The following SPDYE17 variants were observed in gnomAD, a reference collection of about 807,000 sequenced individuals.
SPDYE17 encodes the protein speedy protein E17.
For missense variants in SPDYE17, 7 were observed against 38.0 expected, an observed-to-expected ratio of 0.18 and a Z score of 2.15; for synonymous variants, 4 against 14.8, an observed-to-expected ratio of 0.27 and a Z score of 1.68.
intron 2 of SPDYE17, among the ~76,000 whole-genome samples, chr7:77,029,874 A>G (rs1389959243): frequency 6.4e-5 from 8 of 125,744 alleles, no homozygotes; most frequent in African/African-American, 2.3e-4. Flanking sequence ...GCCCAGCTCA[A>G]TTTTGTACTT....
chr7:77,029,829 C>G (rs1488453798), intron 2 of SPDYE17, among the ~76,000 whole-genome samples: 1 of 127,758 alleles, frequency 7.8e-6, no homozygotes, highest in Non-Finnish European at 1.6e-5. Flanking sequence ...GCCTCAGCCT[C>G]TCAGGTAGCT....
Position 77,029,698 on chromosome 7 carries a change from C to CT in SPDYE17, c.131-248dup, listed in dbSNP as rs1166509214. ...CTGGTCCCTGGCTCTCTGAGTCCCT[C>CT]TTTTTTTTTTTTTTTTTTTTTGTTT... On this transcript the variant is annotated intron_variant, in intron 2 of 7. Coordinates refer to ENST00000671986, the MANE Select transcript of SPDYE17 (RefSeq NM_001351351.3). 3.7e-3 allele frequency among the ~76,000 whole-genome samples: 152 copies of CT among 41,590 alleles called. 18 individuals are homozygous for CT. The highest frequency in any genetic ancestry group is 0.011 in the African/African-American group (68 of 6,090). The allele number at this position is 41,590 out of a possible 152,430, so 27.3% of individuals were successfully genotyped here.
intron 4 of SPDYE17, 131 bp downstream of exon 4, chr7:77,028,011 A>T: frequency 1.5e-6 from 1 of 681,344 alleles, no homozygotes; most frequent in Non-Finnish European, 2.2e-6. Flanking sequence ...AAAAACAAAA[A>T]CAAAAACAAA....
At chr7:77,030,000 C>T (rs1359445475) in intron 2 of SPDYE17, among the ~76,000 whole-genome samples, 9 of 119,362 alleles carry the variant, frequency 7.5e-5, no homozygotes, top group Non-Finnish European at 1.3e-4. Context: ...AGCCACTGCA[C>T]CCAGCCTGAA....
intron 4 of SPDYE17, among the ~76,000 whole-genome samples, chr7:77,027,941 G>A (rs1789460017): frequency 7.6e-6 from 1 of 131,210 alleles, no homozygotes; most frequent in Non-Finnish European, 1.6e-5. Context: ...GCTGCAGTGA[G>A]TCAAGATCGA....
In SPDYE17 at chr7:77,026,286, TAG is replaced by T. The variant is rs1019936254; in HGVS notation, c.494+541_494+542del. Among the ~76,000 whole-genome samples the T allele has an allele frequency of 1.1e-4, 16 of 141,962 alleles. 1 individual carries two copies. The highest frequency in any genetic ancestry group is 4.5e-4 in the Admixed American group (6 of 13,278). 93.1% of individuals were successfully genotyped at this position (141,962 alleles called of 152,430 possible). On this transcript the variant is annotated intron_variant, in intron 5 of 7. Coordinates refer to ENST00000671986, the MANE Select transcript of SPDYE17 (RefSeq NM_001351351.3). ...CGAGCCAGTGTGGTTGTAGAGATTG[TAG>T]AGAGGGTGGAATTGGCACTGTGGAC... is the stretch of plus-strand genomic sequence containing the variant.
chr7:77,025,854 C>T (rs1789423269), intron 5 of SPDYE17: 2 of 145,310 alleles, frequency 1.4e-5, no homozygotes, highest in African/African-American at 2.6e-5. Context: ...TCGCTTGAGC[C>T]CAGGATATGG....
chr7:77,026,395 A>T (rs1244942694), intron 5 of SPDYE17, among the ~76,000 whole-genome samples: 2 of 146,934 alleles, frequency 1.4e-5, no homozygotes, highest in African/African-American at 5.0e-5. Flanking sequence ...AAAGATGTTC[A>T]GGCTGCACTA....
At chr7:77,025,536 G>C (rs1313818344) in intron 5 of SPDYE17, 1 of 171,004 alleles carries the variant, frequency 5.8e-6, no homozygotes, top group Non-Finnish European at 1.1e-5. Context: ...CTTGAGACCA[G>C]GAGTTTGAGA....
At position 77,029,888 on chromosome 7, in the gene SPDYE17, A is replaced by G. The variant is rs1459036665; in HGVS notation, c.131-437T>C. Reference sequence around the variant, plus strand: ...TGCCCAGCTCAATTTTGTACTTTTAATAGAGACAGGGTTTCACCATGTTGG... The same window carrying G: ...TGCCCAGCTCAATTTTGTACTTTTAGTAGAGACAGGGTTTCACCATGTTGG... On this transcript the variant is annotated intron_variant, in intron 2 of 7. Coordinates refer to ENST00000671986, the MANE Select transcript of SPDYE17 (RefSeq NM_001351351.3). Among the ~76,000 whole-genome samples the G allele has an allele frequency of 3.2e-5, 4 of 124,398 alleles. 1 individual carries two copies. The highest frequency in any genetic ancestry group is 3.3e-4 in the South Asian group (1 of 3,038). The allele number at this position is 124,398 out of a possible 152,430, so 81.6% of individuals were successfully genotyped here. A position where few individuals can be genotyped will look rare whatever the true frequency, so the allele number is the denominator to read the frequency against.
At position 77,022,899 on chromosome 7, in the gene SPDYE17, A is replaced by G. The variant is rs1213821164; in HGVS notation, c.*934T>C. Among the ~76,000 whole-genome samples the G allele has an allele frequency of 1.4e-4, 16 of 112,938 alleles. 5 individuals are homozygous for G. Among genetic ancestry groups the G allele is most frequent in the Non-Finnish European group, 2.6e-4 (13 of 50,388 alleles). The allele number at this position is 112,938 out of a possible 152,430, so 74.1% of individuals were successfully genotyped here. On this transcript the variant is annotated 3_prime_UTR_variant, in exon 8 of 8. Transcript: ENST00000671986. ...TACCCATGTTTTTCAAAATAAACCAATAAAATAGATAGTATACATTAGACG... is the reference window on the plus strand; with the variant it reads ...TACCCATGTTTTTCAAAATAAACCAGTAAAATAGATAGTATACATTAGACG...
At chr7:77,025,236 G>C (rs1279050356) in intron 5 of SPDYE17, 125 bp from the exon 6 acceptor site, 1 of 24,198 alleles carries the variant, frequency 4.1e-5, no homozygotes. Flanking sequence ...ACCCTGCAGA[G>C]AGCCACGCCT....
In SPDYE17 at chr7:77,022,784, A is replaced by T. The variant is rs1789389455; in HGVS notation, c.*1049T>A. Among the ~76,000 whole-genome samples, 1 of 123,740 alleles carries T rather than the reference A, an allele frequency of 8.1e-6. No homozygotes were observed. The highest frequency in any genetic ancestry group is 1.8e-5 in the Non-Finnish European group (1 of 55,312). 81.2% of individuals were successfully genotyped at this position (123,740 alleles called of 152,430 possible). On this transcript the variant is annotated 3_prime_UTR_variant, in exon 8 of 8. Transcript: ENST00000671986. ...AAATACCAGTATTTCCAAAATATTT[A>T]AAATAATATTTAAAGTAATAATAAT...
At chr7:77,026,546 T>G (rs528681680) in intron 5 of SPDYE17, among the ~76,000 whole-genome samples, 9 of 150,284 alleles carry the variant, frequency 6.0e-5, no homozygotes, top group African/African-American at 2.2e-4. Flanking sequence ...TTGCGGTTGA[T>G]GTGGGAAGGA....
At chr7:77,029,698 C>CTTTTTTTTTTTTT in intron 2 of SPDYE17, among the ~76,000 whole-genome samples, 1 of 41,608 alleles carries the variant, frequency 2.4e-5, no homozygotes, top group Non-Finnish European at 3.6e-5. Flanking sequence ...CTGAGTCCCT[C>CTTTTTTTTTTTTT]TTTTTTTTTT....
intron 4 of SPDYE17, among the ~76,000 whole-genome samples, chr7:77,027,484 A>G (rs1789452101): frequency 1.8e-5 from 1 of 56,924 alleles, no homozygotes. Flanking sequence ...TTGGAGAACA[A>G]CCTGGGCAAC....
rs1403952213 is a variant in SPDYE17 at position 77,026,572 on chromosome 7, C to T, written c.494+257G>A. ...GTGGGAAGGAGAGAGAGAGAACAAC[C>T]GGAAACGTCTGCTTGCTGGGGGAAG... is the stretch of plus-strand genomic sequence containing the variant. On this transcript the variant is annotated intron_variant, in intron 5 of 7. Transcript: ENST00000671986. Among the ~76,000 whole-genome samples the T allele has an allele frequency of 4.7e-5, 7 of 149,684 alleles. No homozygotes were observed. In the South Asian group the frequency reaches 6.4e-4, roughly 14 times the overall value.
chr7:77,030,080 CTTTTTTT>C (rs761251656), intron 2 of SPDYE17, among the ~76,000 whole-genome samples: 5 of 45,312 alleles, frequency 1.1e-4, no homozygotes, highest in Non-Finnish European at 1.6e-4. Flanking sequence ...TTTGTTTCTT[CTTTTTTT>C]TTTTTTTTTT....
Position 77,027,679 on chromosome 7 carries a change from AAT to A in SPDYE17, c.408+461_408+462del, listed in dbSNP as rs1380002386. Among the ~76,000 whole-genome samples the A allele has an allele frequency of 3.3e-3, 361 of 108,812 alleles. 65 individuals are homozygous for A. Among genetic ancestry groups the A allele is most frequent in the Admixed American group, 0.017 (141 of 8,284 alleles). 71.4% of individuals were successfully genotyped at this position (108,812 alleles called of 152,430 possible). ...AGCTGGACTCTGTCTCAGAAAAAAA[AAT>A]GTGTGGGTGCCAAGACTCAAGACCA... is the stretch of plus-strand genomic sequence containing the variant. On this transcript the variant is annotated intron_variant, in intron 4 of 7. Coordinates refer to ENST00000671986, the MANE Select transcript of SPDYE17 (RefSeq NM_001351351.3).
Sources: allele counts gnomAD v4.1 joint callset (sites outside exome capture counted in the v4.1 genomes callset), GRCh38; gene constraint gnomAD v4.1.1; transcripts MANE v1.5; gene names NCBI Gene and HGNC (gene_info 2026-07-23, HGNC 2026-07-21).